NEGR1: variants seen among roughly 807,000 people sequenced by gnomAD.
The protein encoded by NEGR1 is IgLON family member 4.
In NEGR1, 10 loss-of-function variants were observed where a neutral mutation model predicts 40.9. That is an observed-to-expected ratio of 0.24 (90% CI 0.15 to 0.42). NEGR1 has a LOEUF of 0.42. Ranked by LOEUF, NEGR1 falls within the 10% of genes least tolerant of loss-of-function variation. NEGR1 has a pLI of 1.00. For missense variants in NEGR1, 352 were observed against 438.9 expected (o/e 0.80, Z 1.77); for synonymous variants, 185 against 166.8 (o/e 1.11, Z -0.84).
At position 71,464,406 on chromosome 1, in the gene NEGR1, T is replaced by C. The variant is rs1455618975; in HGVS notation, c.941-56836A>G. 4.3e-4 allele frequency among the ~76,000 whole-genome samples: 30 copies of C among 69,274 alleles called. No homozygotes were observed. The Admixed American group carries it at 5.8e-3, about 13-fold the overall frequency. The allele number at this position is 69,274 out of a possible 152,430, so 45.4% of individuals were successfully genotyped here. The stretch of plus-strand genomic sequence containing the variant: ...TGAAAGTAAAGATAACTAGAGAACA[T>C]CCATCAAATGACAGTTATGAGAAAG... On this transcript the variant is annotated intron_variant, in intron 6 of 6. Coordinates refer to ENST00000357731, the MANE Select transcript of NEGR1 (RefSeq NM_173808.3).
chr1:72,032,276 G>A (rs946742370), intron 1 of NEGR1, among the ~76,000 whole-genome samples: 6 of 152,136 alleles, frequency 3.9e-5, no homozygotes, highest in African/African-American at 1.2e-4. Context: ...AATAACTGAC[G>A]TGCAAATGGA....
intron 1 of NEGR1, among the ~76,000 whole-genome samples, chr1:71,966,483 G>A (rs923237843): frequency 1.3e-5 from 2 of 152,056 alleles, no homozygotes; most frequent in Non-Finnish European, 2.9e-5. Flanking sequence ...TGAGTTACAC[G>A]CTGTTTTTTC....
chr1:72,216,002 T>A (rs1461127384), intron 1 of NEGR1, among the ~76,000 whole-genome samples: 1 of 151,908 alleles, frequency 6.6e-6, no homozygotes, highest in African/African-American at 2.4e-5. Flanking sequence ...ATGTGGCACA[T>A]ATACACCACT....
At chr1:72,156,685 T>C (rs1379994848) in intron 1 of NEGR1, among the ~76,000 whole-genome samples, 1 of 152,170 alleles carries the variant, frequency 6.6e-6, no homozygotes, top group African/African-American at 2.4e-5. Flanking sequence ...CCTGCTTTCA[T>C]TTCATAATTT....
At chr1:72,149,030 T>G (rs11209922) in intron 1 of NEGR1, among the ~76,000 whole-genome samples, 1,552 of 152,256 alleles carry the variant, frequency 0.01, 23 homozygotes, top group African/African-American at 0.036. Flanking sequence ...ACCAATTTAC[T>G]CTATTAGTTC....
At chr1:72,098,341 T>A (rs1231318656) in intron 1 of NEGR1, among the ~76,000 whole-genome samples, 1 of 152,160 alleles carries the variant, frequency 6.6e-6, no homozygotes, top group Non-Finnish European at 1.5e-5. Flanking sequence ...GAAACAATAC[T>A]GGAAACAGTC....
intron 2 of NEGR1, among the ~76,000 whole-genome samples, chr1:71,808,237 T>G (rs917524515): frequency 6.6e-6 from 1 of 152,038 alleles, no homozygotes; most frequent in Non-Finnish European, 1.5e-5. Flanking sequence ...TCAAAAGAAA[T>G]AAATGTTTCA....
chr1:71,411,064 A>G lies in NEGR1; in HGVS notation c.941-3494T>C, dbSNP rs147195869. ...CTAGAAGCCAAGATATATTATAAAT[A>G]TCTTTTATCTTTGATACTGAACATA... On this transcript the variant is annotated intron_variant, in intron 6 of 6. Transcript: ENST00000357731. Among the ~76,000 whole-genome samples the G allele has an allele frequency of 5.9e-5, 9 of 152,294 alleles. No homozygotes were observed. In the East Asian group the frequency reaches 1.7e-3, roughly 29 times the overall value.
chr1:71,954,951 A>G (rs577339270), intron 1 of NEGR1, among the ~76,000 whole-genome samples: 1 of 152,266 alleles, frequency 6.6e-6, no homozygotes, highest in African/African-American at 2.4e-5. Flanking sequence ...TAATTTATAG[A>G]GTTAATGTTG....
rs1049046657 is a variant in NEGR1, at chr1:71,400,065, T to C, written c.*7381A>G. On this transcript the variant is annotated 3_prime_UTR_variant, in exon 7 of 7. Transcript: ENST00000357731. ...TGTGACTTAGTGTAAAGTTAACTCC[T>C]TTTTGAATGTAAAAAGTCAAAATTG... 7.9e-5 allele frequency: 12 copies of C among 152,204 alleles called. No homozygotes were observed. The highest frequency in any genetic ancestry group is 2.9e-4 in the African/African-American group (12 of 41,468). 9.4% of individuals were successfully genotyped at this position (152,204 alleles called of 1,614,324 possible). A position where few individuals can be genotyped will look rare whatever the true frequency, so the allele number is the denominator to read the frequency against.
intron 1 of NEGR1, among the ~76,000 whole-genome samples, chr1:72,044,340 A>AT (rs1646982274): frequency 6.6e-6 from 1 of 151,272 alleles, no homozygotes; most frequent in African/African-American, 2.4e-5. Context: ...TAAAAAAAAA[A>AT]AAAAAGAAGA....
At chr1:71,659,699 C>T (rs1557603075) in intron 4 of NEGR1, among the ~76,000 whole-genome samples, 1 of 152,106 alleles carries the variant, frequency 6.6e-6, no homozygotes. Context: ...AGAAGACATG[C>T]ATGTGGCAAA....
chr1:72,199,146 C>CAG (rs1339899074), intron 1 of NEGR1, among the ~76,000 whole-genome samples: 19,207 of 138,328 alleles, frequency 0.14, 1,342 homozygotes, highest in Non-Finnish European at 0.17. Flanking sequence ...TCTAGATAGA[C>CAG]AGACAGAGAG....
At chr1:71,573,233 G>A (rs1648861075) in intron 6 of NEGR1, among the ~76,000 whole-genome samples, 1 of 152,060 alleles carries the variant, frequency 6.6e-6, no homozygotes, top group Non-Finnish European at 1.5e-5. Context: ...AATTGGGGAG[G>A]GAAAAGGAAT....
chr1:71,569,208 A>G (rs1570044625), intron 6 of NEGR1, among the ~76,000 whole-genome samples: 1 of 151,992 alleles, frequency 6.6e-6, no homozygotes, highest in African/African-American at 2.4e-5. Flanking sequence ...GAGCCACTGT[A>G]CCCGGCCAGC....
chr1:71,477,551 T>C, intron 6 of NEGR1: 1 of 152,308 alleles, frequency 6.6e-6, no homozygotes, highest in East Asian at 1.9e-4. Context: ...CCTGCTACCT[T>C]CTCTGCTTTG....
At chr1:71,773,428 T>C (rs1011362856) in intron 3 of NEGR1, among the ~76,000 whole-genome samples, 2 of 152,170 alleles carry the variant, frequency 1.3e-5, no homozygotes, top group African/African-American at 2.4e-5. Flanking sequence ...TTTCATAATA[T>C]AGCAAAAGAG....
chr1:71,570,245 T>G lies in NEGR1; in HGVS notation c.940+22572A>C, dbSNP rs78869009. ...ATTTGTTGTATGGCTTGGATTTTTT[T>G]GTACATGGCATTTTCTTTGACAAGT... is the stretch of plus-strand genomic sequence containing the variant. On this transcript the variant is annotated intron_variant, in intron 6 of 6. Transcript: ENST00000357731. Among the ~76,000 whole-genome samples, 1,328 of 152,332 alleles carry G rather than the reference T, an allele frequency of 8.7e-3. 13 individuals are homozygous for G. The highest frequency in any genetic ancestry group is 0.016 in the Non-Finnish European group (1,059 of 68,020).
chr1:72,099,967 C>A (rs1327674989), intron 1 of NEGR1, among the ~76,000 whole-genome samples: 1 of 151,680 alleles, frequency 6.6e-6, no homozygotes, highest in Non-Finnish European at 1.5e-5. Flanking sequence ...TTATATTTAA[C>A]CATTGCATGA....
Sources: gnomAD v4.1 joint callset for allele counts (sites outside exome capture counted in the v4.1 genomes callset) on GRCh38, gnomAD v4.1.1 for gene constraint, MANE v1.5 for transcripts, NCBI Gene and HGNC (gene_info 2026-07-23, HGNC 2026-07-21) for gene names.